The following CNBD1 variants were observed in gnomAD, a reference collection of about 807,000 sequenced individuals.
CNBD1 encodes the protein cyclic nucleotide binding domain containing 1, also known as cyclic nucleotide-binding domain-containing protein 1.
In CNBD1, 71 loss-of-function variants were observed where a neutral mutation model predicts 54.4. The ratio of observed to expected loss-of-function variants is 1.30; its 90% confidence interval spans 1.08 to 1.59. The LOEUF (loss-of-function observed/expected upper bound fraction) is 1.59, where lower values mean the gene tolerates loss of function less well. Among genes scored for constraint, CNBD1 ranks in the 40% most tolerant of loss-of-function variants. The pLI, the probability that CNBD1 is intolerant of heterozygous loss-of-function variation, is 0.00. For missense variants in CNBD1, 659 were observed against 518.0 expected (o/e 1.27, Z -2.64); for synonymous variants, 182 against 170.7 (o/e 1.07, Z -0.51).
chr8:87,373,729 G>T (rs919845652), intron 10 of CNBD1, among the ~76,000 whole-genome samples: 1 of 151,676 alleles, frequency 6.6e-6, no homozygotes, highest in Non-Finnish European at 1.5e-5. Flanking sequence ...ATATTAGTCA[G>T]ATATCAAGTT....
At chr8:87,249,720 G>A (rs57630637) in intron 6 of CNBD1, among the ~76,000 whole-genome samples, 44,363 of 152,096 alleles carry the variant, frequency 0.29, 7,176 homozygotes, top group African/African-American at 0.43. Context: ...CAAAACAGGA[G>A]TGAAGTGCTA....
intron 4 of CNBD1, among the ~76,000 whole-genome samples, chr8:87,066,924 CT>C (rs1304847280): frequency 2.0e-5 from 3 of 151,868 alleles, no homozygotes; most frequent in African/African-American, 7.2e-5. Flanking sequence ...AGACATTTGG[CT>C]TTTCAGGATT....
intron 4 of CNBD1, among the ~76,000 whole-genome samples, chr8:87,083,585 CTT>C (rs752855766): frequency 3.3e-4 from 39 of 117,152 alleles, no homozygotes; most frequent in South Asian, 5.7e-4. Context: ...CAATGTATTT[CTT>C]TTTTTTTTTT....
chr8:87,295,219 C>T (rs543025923), intron 8 of CNBD1, among the ~76,000 whole-genome samples: 30 of 151,644 alleles, frequency 2.0e-4, no homozygotes, highest in Non-Finnish European at 1.3e-4. Context: ...TATAGTATAA[C>T]AATGCACTAC....
At chr8:86,918,595 G>T (rs1563821686) in intron 3 of CNBD1, among the ~76,000 whole-genome samples, 1 of 151,616 alleles carries the variant, frequency 6.6e-6, no homozygotes, top group Admixed American at 6.6e-5. Context: ...TTTTATAAGG[G>T]GTTTCCCCTT....
chr8:87,075,460 T>C (rs138296719), intron 4 of CNBD1, among the ~76,000 whole-genome samples: 8 of 152,308 alleles, frequency 5.3e-5, no homozygotes, highest in Non-Finnish European at 8.8e-5. Context: ...AAATTGAAAC[T>C]CTCCTGATTA....
chr8:87,284,017 C>T (rs2130869286), intron 6 of CNBD1, among the ~76,000 whole-genome samples: 1 of 152,198 alleles, frequency 6.6e-6, no homozygotes, highest in South Asian at 2.1e-4. Context: ...CCCATATCAT[C>T]TTAGATAGGC....
At chr8:86,987,193 G>T (rs116026922) in intron 4 of CNBD1, among the ~76,000 whole-genome samples, 1 of 152,132 alleles carries the variant, frequency 6.6e-6, no homozygotes, top group African/African-American at 2.4e-5. Context: ...TCTTTCATCA[G>T]TGTTTAATTC....
At position 87,163,457 on chromosome 8, in the gene CNBD1, G is replaced by T. The variant is rs997261499; in HGVS notation, c.432-42536G>T. On this transcript the variant is annotated intron_variant, in intron 4 of 10. Coordinates refer to ENST00000518476, the MANE Select transcript of CNBD1 (RefSeq NM_173538.3). The surrounding 1 kb of genome is among the most constrained non-coding windows in gnomAD (Gnocchi z 4.5). The stretch of plus-strand genomic sequence containing the variant: ...AATTTCTTCAACCCATGAATACAAG[G>T]TATCTTTCCATTTATTTGTGTCTTC... Among the ~76,000 whole-genome samples the T allele has an allele frequency of 6.6e-6, 1 of 151,722 alleles. No individual in the cohort carries two copies. Among genetic ancestry groups the T allele is most frequent in the Non-Finnish European group, 1.5e-5 (1 of 67,860 alleles).
At chr8:87,362,795 A>T (rs1810550290) in intron 10 of CNBD1, among the ~76,000 whole-genome samples, 1 of 152,080 alleles carries the variant, frequency 6.6e-6, no homozygotes, top group Admixed American at 6.6e-5. Context: ...GGTACATATA[A>T]CACTGCTTAT....
chr8:87,137,202 T>C (rs1024911789), intron 4 of CNBD1, among the ~76,000 whole-genome samples: 1 of 143,696 alleles, frequency 7.0e-6, no homozygotes, highest in Non-Finnish European at 1.5e-5. Context: ...AAATTATATA[T>C]ATATTATATT....
At chr8:87,327,776 G>T (rs1339666766) in intron 8 of CNBD1, among the ~76,000 whole-genome samples, 2 of 152,114 alleles carry the variant, frequency 1.3e-5, no homozygotes, top group Admixed American at 6.5e-5. Context: ...CGTCGCTCAC[G>T]CTGGGAGCTG....
chr8:87,349,115 C>T (rs1810230899), intron 8 of CNBD1, among the ~76,000 whole-genome samples: 1 of 152,016 alleles, frequency 6.6e-6, no homozygotes, highest in East Asian at 1.9e-4. Flanking sequence ...CTATATAGTT[C>T]ATGATTAAGT....
chr8:87,007,035 A>G (rs1809117000), intron 4 of CNBD1, among the ~76,000 whole-genome samples: 2 of 152,090 alleles, frequency 1.3e-5, no homozygotes, highest in South Asian at 4.1e-4. Context: ...TGTCTCTACT[A>G]AAAATACAAA....
intron 4 of CNBD1, among the ~76,000 whole-genome samples, chr8:87,001,295 T>C (rs572035318): frequency 6.6e-6 from 1 of 152,302 alleles, no homozygotes; most frequent in Middle Eastern, 3.4e-3. Context: ...GGTTGTATTA[T>C]AGTGTAAGTT....
intron 3 of CNBD1, among the ~76,000 whole-genome samples, chr8:86,914,101 G>C (rs1335911963): frequency 6.6e-6 from 1 of 152,130 alleles, no homozygotes; most frequent in Non-Finnish European, 1.5e-5. Context: ...AAGGTGCCCA[G>C]ATTTGTTATT....
intron 10 of CNBD1, among the ~76,000 whole-genome samples, chr8:87,379,983 G>A (rs1464292928): frequency 6.7e-6 from 1 of 148,622 alleles, no homozygotes; most frequent in Non-Finnish European, 1.5e-5. Flanking sequence ...TCTAGATTAT[G>A]ACAAAAATTT....
chr8:87,204,541 A>G (rs1197067973), intron 4 of CNBD1, among the ~76,000 whole-genome samples: 1 of 152,142 alleles, frequency 6.6e-6, no homozygotes, highest in Non-Finnish European at 1.5e-5. Flanking sequence ...TTTATACTTG[A>G]AAACTGATCA....
intron 1 of CNBD1, among the ~76,000 whole-genome samples, chr8:86,883,775 G>A (rs1457326912): frequency 6.6e-6 from 1 of 152,174 alleles, no homozygotes; most frequent in African/African-American, 2.4e-5. Flanking sequence ...TTGGGTTGGG[G>A]AAATAGAAAA....
Sources: gnomAD v4.1 joint callset for allele counts (sites outside exome capture counted in the v4.1 genomes callset) on GRCh38, gnomAD v4.1.1 for gene constraint, Gnocchi (gnomAD v3.1) non-coding constraint, MANE v1.5 for transcripts, NCBI Gene and HGNC (gene_info 2026-07-23, HGNC 2026-07-21) for gene names.